Variants in RRBP1 observed in about 807,000 individuals in gnomAD.
RRBP1 encodes the protein ribosome-binding protein 1.
RRBP1 carries 94 observed loss-of-function variants against 165.2 expected under a neutral mutation model. The observed-to-expected ratio is 0.57, with a 90% confidence interval of 0.48 to 0.68. The LOEUF is 0.68. Among genes scored for constraint, RRBP1 ranks in the 30% least tolerant of loss-of-function variants. The pLI, the probability that RRBP1 is intolerant of heterozygous loss-of-function variation, is 0.00. For missense variants in RRBP1, 1,676 were observed against 1,763.0 expected (o/e 0.95, Z 0.88); for synonymous variants, 680 against 714.5 (o/e 0.95, Z 0.77).
chr20:17,656,402 C>A (rs1568779471), intron 3 of RRBP1, among the ~76,000 whole-genome samples: 1 of 152,184 alleles, frequency 6.6e-6, no homozygotes, highest in African/African-American at 2.4e-5. Context: ...CTGGGCTAAC[C>A]CATATTCATT....
intron 3 of RRBP1, among the ~76,000 whole-genome samples, chr20:17,654,744 G>A (rs543970627): frequency 6.6e-6 from 1 of 152,198 alleles, no homozygotes; most frequent in East Asian, 1.9e-4. Flanking sequence ...AGCCCCTAAG[G>A]TCTGTCCACT....
At chr20:17,623,535 C>T (rs1243413080) in intron 13 of RRBP1, among the ~76,000 whole-genome samples, 1 of 152,202 alleles carries the variant, frequency 6.6e-6, no homozygotes, top group South Asian at 2.1e-4. Flanking sequence ...CACTGGGAGA[C>T]ACCTGCACAC....
chr20:17,618,849 C>T, intron 19 of RRBP1, 170 bp from the exon 20 acceptor site: 2 of 610,350 alleles, frequency 3.3e-6, no homozygotes, highest in Non-Finnish European at 5.9e-6. Flanking sequence ...CCTACAGCTA[C>T]GATTTCTTTT....
At chr20:17,633,902 C>T (rs1333283293) in intron 7 of RRBP1, among the ~76,000 whole-genome samples, 1 of 152,246 alleles carries the variant, frequency 6.6e-6, no homozygotes, top group East Asian at 1.9e-4. Flanking sequence ...TCACAGAAAA[C>T]GGCAACACAG....
chr20:17,643,133 C>T lies in RRBP1; in HGVS notation c.1913-6G>A, dbSNP rs757648193. On this transcript the variant is annotated splice_polypyrimidine_tract_variant and splice_region_variant and intron_variant, in intron 3 of 24. Coordinates refer to ENST00000377813, the MANE Select transcript of RRBP1 (RefSeq NM_001365613.2). The surrounding 1 kb of genome is among the most constrained non-coding windows in gnomAD (Gnocchi z 4.3). ...GCCGTCGGCATCTGGGGGCCCTGTGCAGCAAGAGGGAAAGAGCTGAGACTT... is the reference window on the plus strand; with the variant it reads ...GCCGTCGGCATCTGGGGGCCCTGTGTAGCAAGAGGGAAAGAGCTGAGACTT... 48 of 1,613,064 alleles carry T rather than the reference C, an allele frequency of 3.0e-5. 1 individual carries two copies. Among genetic ancestry groups the T allele is most frequent in the Non-Finnish European group, 4.0e-5 (47 of 1,179,834 alleles).
In RRBP1 at chr20:17,643,094, G is replaced by A. The variant is rs947338229; in HGVS notation, c.1946C>T (p.Pro649Leu). 1 of 1,614,004 alleles carries A rather than the reference G, an allele frequency of 6.2e-7. No homozygotes were observed. The highest frequency in any genetic ancestry group is 1.3e-5 in the African/African-American group (1 of 74,948). Residue 649 changes from proline to leucine, a missense_variant, in exon 4 of 25, where the codon CCC (proline) becomes CTC (leucine). Pro to Leu is a moderately conservative substitution (Grantham distance 98). This residue lies in a region of RRBP1 where 1,184 missense variants were observed against 1,167.1 expected (regional missense o/e 1.01). Coordinates refer to ENST00000377813, the MANE Select transcript of RRBP1 (RefSeq NM_001365613.2). The surrounding 1 kb of genome is among the most constrained non-coding windows in gnomAD (Gnocchi z 4.3). ...AACCGTGGAGACCAGCGTCTTGTAG[G>A]GGAGGTAGAGAGGGCCGTCGGCATC... is the stretch of plus-strand genomic sequence containing the variant. Reference protein sequence around the residue: ...PPDADGPLYLPYKTLVSTVGS... With the variant: ...PPDADGPLYLLYKTLVSTVGS...
chr20:17,618,461 G>T, intron 20 of RRBP1, 135 bp downstream of exon 20: 1 of 748,396 alleles, frequency 1.3e-6, no homozygotes. Context: ...CCGGCCCCAT[G>T]CTGCTCAACG....
chr20:17,636,952 A>G (rs1018380112), intron 5 of RRBP1, among the ~76,000 whole-genome samples: 11 of 152,220 alleles, frequency 7.2e-5, no homozygotes, highest in Admixed American at 5.2e-4. Context: ...TGTGGGCTCA[A>G]TGTCAGGCCT....
At chr20:17,671,888 G>A (rs1345000287) in intron 2 of RRBP1, among the ~76,000 whole-genome samples, 1 of 152,168 alleles carries the variant, frequency 6.6e-6, no homozygotes, top group African/African-American at 2.4e-5. Context: ...TAGAAGACCG[G>A]TTCAGGCCAC....
intron 8 of RRBP1, among the ~76,000 whole-genome samples, chr20:17,632,849 AG>A (rs2036178147): frequency 6.6e-6 from 1 of 152,132 alleles, no homozygotes; most frequent in Non-Finnish European, 1.5e-5. Flanking sequence ...CCCTGGGGAC[AG>A]GGGGACAATC....
At chr20:17,630,765 ATTC>A (rs1166078950) in intron 8 of RRBP1, among the ~76,000 whole-genome samples, 1 of 152,250 alleles carries the variant, frequency 6.6e-6, no homozygotes, top group Non-Finnish European at 1.5e-5. Flanking sequence ...ACCACTGATT[ATTC>A]ATTAACAAGC....
intron 5 of RRBP1, among the ~76,000 whole-genome samples, chr20:17,640,233 C>A (rs1252678098): frequency 6.6e-6 from 1 of 152,214 alleles, no homozygotes; most frequent in Non-Finnish European, 1.5e-5. Context: ...CTGTGCAGAA[C>A]AGGAACATGG....
intron 3 of RRBP1, among the ~76,000 whole-genome samples, chr20:17,652,890 A>G (rs950588008): frequency 7.2e-5 from 11 of 152,254 alleles, no homozygotes; most frequent in African/African-American, 2.4e-4. Context: ...AACTCCACAT[A>G]TAAGACGTAG....
In RRBP1 at chr20:17,660,439, A is replaced by T. The variant is rs1228795115; in HGVS notation, c.69T>A (p.Ile23=). The T allele has an allele frequency of 6.2e-7, 1 of 1,614,176 alleles. No homozygotes were observed. ...AGAAAGTCGACACCAGGAAGATGCC[A>T]ATGGCAGAAACAACCATGAATCCTC... is the stretch of plus-strand genomic sequence containing the variant. ...VFGGFMVVSA[I]GIFLVSTFSM... The change falls in exon 3 of 25, where the codon ATT becomes ATA. Residue 23 remains isoleucine, a synonymous_variant. Coordinates refer to ENST00000377813, the MANE Select transcript of RRBP1 (RefSeq NM_001365613.2).
intron 22 of RRBP1, 42 bp from the exon 23 acceptor site, chr20:17,615,571 A>G (rs74955526): frequency 3.3e-6 from 5 of 1,533,342 alleles, no homozygotes; most frequent in South Asian, 2.4e-5. Context: ...GACGTCTTAT[A>G]AACGGCTGTG....
At chr20:17,615,345 C>G (rs2035777308) in intron 23 of RRBP1, 86 bp downstream of exon 23, 2 of 1,122,558 alleles carry the variant, frequency 1.8e-6, no homozygotes, top group Admixed American at 2.8e-5. Flanking sequence ...CGGCTCTCCC[C>G]TTCCTGGCCC....
intron 20 of RRBP1, among the ~76,000 whole-genome samples, 161 bp from the exon 21 acceptor site, chr20:17,617,000 G>A (rs1018221249): frequency 6.6e-6 from 1 of 152,158 alleles, no homozygotes; most frequent in Admixed American, 6.5e-5. Flanking sequence ...GGCCACCCCC[G>A]CCGCCAACCT....
intron 1 of RRBP1, among the ~76,000 whole-genome samples, chr20:17,680,579 C>T (rs886605694): frequency 3.3e-5 from 5 of 152,086 alleles, no homozygotes; most frequent in Non-Finnish European, 7.4e-5. Flanking sequence ...TCTGTTTGTA[C>T]AAGGTCCCAG....
At chr20:17,678,160 C>T (rs1231598268) in intron 2 of RRBP1, among the ~76,000 whole-genome samples, 2 of 152,132 alleles carry the variant, frequency 1.3e-5, no homozygotes, top group Non-Finnish European at 2.9e-5. Flanking sequence ...GGAGACTCGG[C>T]CAGAATTTGT....
Sources: allele counts gnomAD v4.1 joint callset (sites outside exome capture counted in the v4.1 genomes callset), GRCh38; gene constraint gnomAD v4.1.1; regional missense constraint gnomAD v4.1.1; non-coding constraint Gnocchi (gnomAD v3.1); transcripts MANE v1.5; gene names NCBI Gene and HGNC (gene_info 2026-07-23, HGNC 2026-07-21).